Variants in SRSF4 observed in about 807,000 individuals in gnomAD.
The protein encoded by SRSF4 is serine/arginine-rich splicing factor 4.
Under a neutral mutation model 48.8 loss-of-function variants are expected in SRSF4, and 12 were observed. The ratio of observed to expected loss-of-function variants is 0.25; its 90% CI spans 0.16 to 0.40. SRSF4 has a LOEUF of 0.40. Ranked by LOEUF, SRSF4 falls within the 10% of genes least tolerant of loss-of-function variation. The pLI is 1.00. For synonymous variants in SRSF4, 248 were observed against 232.5 expected, an observed-to-expected ratio of 1.07 and a Z score of -0.61; for missense variants, 466 against 667.1, an observed-to-expected ratio of 0.70 and a Z score of 3.32.
intron 4 of SRSF4, among the ~76,000 whole-genome samples, chr1:29,150,596 C>T (rs552077779): frequency 6.6e-6 from 1 of 152,230 alleles, no homozygotes; most frequent in East Asian, 1.9e-4. Flanking sequence ...CTGGCTGTGT[C>T]CAGGCACAAA....
intron 1 of SRSF4, among the ~76,000 whole-genome samples, chr1:29,175,683 A>G (rs552839044): frequency 2.8e-5 from 3 of 108,986 alleles, no homozygotes; most frequent in African/African-American, 7.2e-5. Flanking sequence ...CGACAGAGCC[A>G]GACGCTGTCT....
In SRSF4 at chr1:29,148,954, C is replaced by G. The variant is rs776337563; in HGVS notation, c.941G>C (p.Arg314Pro). The G allele has an allele frequency of 7.4e-6, 12 of 1,612,436 alleles. No homozygotes were observed. Among genetic ancestry groups the G allele is most frequent in the East Asian group, 2.2e-5 (1 of 44,748 alleles). Reference sequence around the variant, plus strand: ...GCTCCTGCCCCTGCTCACACTCCCTCGCTTCTCCTCCTCCACTCTCCTCTC... The same window carrying G: ...GCTCCTGCCCCTGCTCACACTCCCTGGCTTCTCCTCCTCCACTCTCCTCTC... Reference protein sequence around the residue: ...SQERRVEEEKRGSVSRGRSQE... With the variant: ...SQERRVEEEKPGSVSRGRSQE... Residue 314 changes from arginine to proline, a missense_variant, in exon 6 of 6, where the codon CGA becomes CCA. Arg to Pro is a moderately radical substitution (Grantham distance 103). Transcript: ENST00000373795.
At chr1:29,179,200 G>C (rs1197664329) in intron 1 of SRSF4, among the ~76,000 whole-genome samples, 5 of 151,962 alleles carry the variant, frequency 3.3e-5, no homozygotes, top group African/African-American at 1.2e-4. Context: ...CGTTGTTTCT[G>C]GTTTATGTTG....
rs1558395911 is a variant in SRSF4, at chr1:29,181,781, G to A, written c.-29C>T. On this transcript the variant is annotated 5_prime_UTR_variant, in exon 1 of 6. Coordinates refer to ENST00000373795, the MANE Select transcript of SRSF4 (RefSeq NM_005626.5). ...GGCAACGGCAGTGATGGCTGGCCCC[G>A]GCCCCAGCCCCCCTTAGGCGGCGGC... The A allele has an allele frequency of 1.3e-6, 2 of 1,544,814 alleles. No individual in the cohort carries two copies. The highest frequency in any genetic ancestry group is 2.6e-5 in the East Asian group (1 of 37,928).
chr1:29,161,381 T>C (rs544464419), intron 1 of SRSF4, among the ~76,000 whole-genome samples: 40 of 90,572 alleles, frequency 4.4e-4, no homozygotes, highest in African/African-American at 1.2e-3. Flanking sequence ...TTTGTGACCA[T>C]TGCCTATATT....
At chr1:29,181,021 T>C (rs1672946877) in intron 1 of SRSF4, among the ~76,000 whole-genome samples, 1 of 152,184 alleles carries the variant, frequency 6.6e-6, no homozygotes. Flanking sequence ...GATAAGAAGT[T>C]AAGACTTTAA....
At chr1:29,166,917 AAAG>A (rs1319428480) in intron 1 of SRSF4, 1 of 152,304 alleles carries the variant, frequency 6.6e-6, no homozygotes, top group African/African-American at 2.4e-5. Context: ...CCCCACCTTC[AAAG>A]AAGAAAACCT....
chr1:29,179,910 A>AG (rs1409763347), intron 1 of SRSF4, among the ~76,000 whole-genome samples: 1 of 152,208 alleles, frequency 6.6e-6, no homozygotes, highest in African/African-American at 2.4e-5. Context: ...TGGTTGATGA[A>AG]TCAGTTTCCC....
In SRSF4 at chr1:29,178,276, C is replaced by T. The variant is rs1367377894; in HGVS notation, c.107+3370G>A. Among the ~76,000 whole-genome samples the T allele has an allele frequency of 3.3e-5, 5 of 152,074 alleles. No individual in the cohort carries two copies. In the South Asian group the frequency reaches 1.0e-3, roughly 32 times the overall value. The stretch of plus-strand genomic sequence containing the variant: ...CTAACATATCTACTGATACATCTCA[C>T]TTCTACAAATCTGAACTCCAGCAAT... On this transcript the variant is annotated intron_variant, in intron 1 of 5. Coordinates refer to ENST00000373795, the MANE Select transcript of SRSF4 (RefSeq NM_005626.5).
At chr1:29,161,857 C>T (rs374558286) in intron 1 of SRSF4, among the ~76,000 whole-genome samples, 3 of 152,192 alleles carry the variant, frequency 2.0e-5, no homozygotes, top group Admixed American at 6.5e-5. Context: ...CCTCCCAAAG[C>T]GCTAGGATTA....
At position 29,160,400 on chromosome 1, in the gene SRSF4, T is replaced by A; in HGVS notation, c.225A>T (p.Arg75=). ...VIVEHARGPR[R]DGSYGSGRSG... ...TGCGTCCAGAACCGTAACTGCCATC[T>A]CGCCGTGGGCCGCGGGCATGCTCAA... The change falls in exon 2 of 6, where the codon CGA becomes CGT. Residue 75 remains arginine, a synonymous_variant. Coordinates refer to ENST00000373795, the MANE Select transcript of SRSF4 (RefSeq NM_005626.5). 1 of 1,613,658 alleles carries A rather than the reference T, an allele frequency of 6.2e-7. No homozygotes were observed. Among genetic ancestry groups the A allele is most frequent in the Non-Finnish European group, 8.5e-7 (1 of 1,179,884 alleles).
At chr1:29,178,371 A>T (rs1353877557) in intron 1 of SRSF4, among the ~76,000 whole-genome samples, 1 of 13,984 alleles carries the variant, frequency 7.2e-5, no homozygotes, top group Admixed American at 5.0e-4. Context: ...TTTGAGACAG[A>T]GTCTCGCTGT....
chr1:29,158,655 C>T (rs977388899), intron 3 of SRSF4, among the ~76,000 whole-genome samples: 2 of 152,046 alleles, frequency 1.3e-5, no homozygotes, highest in Non-Finnish European at 2.9e-5. Flanking sequence ...AGAGAAATTT[C>T]GTTATCACAC....
At chr1:29,159,093 G>A (rs1027653937) in intron 3 of SRSF4, among the ~76,000 whole-genome samples, 2 of 148,790 alleles carry the variant, frequency 1.3e-5, no homozygotes, top group East Asian at 2.0e-4. Context: ...GCAACACAGC[G>A]AGACTCCATC....
intron 1 of SRSF4, among the ~76,000 whole-genome samples, chr1:29,162,256 G>C (rs1178200790): frequency 6.6e-6 from 1 of 152,086 alleles, no homozygotes; most frequent in Non-Finnish European, 1.5e-5. Context: ...TTAATAAGAA[G>C]GATTTTGAAC....
chr1:29,148,376 C>A lies in SRSF4; in HGVS notation c.*34G>T. 6.4e-7 allele frequency: 1 copy of A among 1,560,232 alleles called. No homozygotes were observed. The highest frequency in any genetic ancestry group is 1.2e-5 in the South Asian group (1 of 81,004). ...ACGGCTACCAAACATGTACAAAAGA[C>A]TTCTCGGGTAGTTCCAGCTGTGGCC... is the stretch of plus-strand genomic sequence containing the variant. On this transcript the variant is annotated 3_prime_UTR_variant, in exon 6 of 6. Transcript: ENST00000373795.
intron 3 of SRSF4, among the ~76,000 whole-genome samples, chr1:29,157,957 G>A (rs1231579226): frequency 6.6e-6 from 1 of 152,124 alleles, no homozygotes; most frequent in Non-Finnish European, 1.5e-5. Flanking sequence ...ATCACTTGTG[G>A]TCAGGAGGAG....
rs923886338 is a variant in SRSF4 at position 29,160,243 on chromosome 1, TAA to T, written c.250+130_250+131del. The T allele has an allele frequency of 1.5e-4, 161 of 1,100,954 alleles. No homozygotes were observed. The African/African-American group carries it at 2.3e-3, about 16-fold the overall frequency. 68.2% of individuals were successfully genotyped at this position (1,100,954 alleles called of 1,614,324 possible). Reference sequence around the variant, plus strand: ...AGGCTTATTTGTAATTCTACATTTTTAAAAAAGATACATAATTTACAAAATAG... The same window carrying T: ...AGGCTTATTTGTAATTCTACATTTTTAAAAGATACATAATTTACAAAATAG... On this transcript the variant is annotated intron_variant, in intron 2 of 5. Coordinates refer to ENST00000373795, the MANE Select transcript of SRSF4 (RefSeq NM_005626.5).
At chr1:29,174,407 A>G (rs1266286543) in intron 1 of SRSF4, among the ~76,000 whole-genome samples, 1 of 152,232 alleles carries the variant, frequency 6.6e-6, no homozygotes, top group Non-Finnish European at 1.5e-5. Context: ...AGTATTATAC[A>G]TGCATAAAAT....
Sources: allele counts gnomAD v4.1 joint callset (sites outside exome capture counted in the v4.1 genomes callset), GRCh38; gene constraint gnomAD v4.1.1; transcripts MANE v1.5; gene names NCBI Gene and HGNC (gene_info 2026-07-23, HGNC 2026-07-21).